SCHIP1: variants seen among roughly 807,000 people sequenced by gnomAD.
The protein encoded by SCHIP1 is schwannomin-interacting protein 1.
Under a neutral mutation model 29.7 loss-of-function variants are expected in SCHIP1, and 8 were observed. The observed-to-expected ratio is 0.27, with a 90% CI of 0.16 to 0.49. The LOEUF is 0.49. SCHIP1 is among the 20% of genes least tolerant of loss of function. The pLI is 0.99. For missense variants in SCHIP1, 193 were observed against 294.6 expected (o/e 0.66, Z 2.52); for synonymous variants, 76 against 94.9 (o/e 0.80, Z 1.16).
chr3:159,286,607 T>G, the SCHIP1 span, among the ~76,000 whole-genome samples: 1 of 152,194 alleles, frequency 6.6e-6, no homozygotes. Context: ...GATTGTTGGG[T>G]AGAATGATAA....
chr3:159,701,855 G>T, the SCHIP1 span, among the ~76,000 whole-genome samples: 1 of 152,088 alleles, frequency 6.6e-6, no homozygotes, highest in Admixed American at 6.5e-5. Flanking sequence ...ACATTGGGCA[G>T]ACTTCAAGCA....
chr3:159,745,151 C>G, the SCHIP1 span, among the ~76,000 whole-genome samples: 729 of 152,358 alleles, frequency 4.8e-3, 11 homozygotes, highest in Admixed American at 0.023. Flanking sequence ...ATTTACTTCA[C>G]TGTTTACATG....
At chr3:159,496,680 T>G in the SCHIP1 span, among the ~76,000 whole-genome samples, 7 of 152,180 alleles carry the variant, frequency 4.6e-5, no homozygotes, top group Non-Finnish European at 1.5e-5. Context: ...ATTCAACCAT[T>G]GTGGAAGTCA....
the SCHIP1 span, among the ~76,000 whole-genome samples, chr3:159,503,607 G>C: frequency 2.6e-5 from 4 of 152,178 alleles, no homozygotes; most frequent in Non-Finnish European, 4.4e-5. Context: ...CCTTTCATAT[G>C]CTATTCAGAG....
At chr3:159,451,756 G>A in the SCHIP1 span, among the ~76,000 whole-genome samples, 4 of 152,082 alleles carry the variant, frequency 2.6e-5, no homozygotes, top group African/African-American at 7.2e-5. Flanking sequence ...AATAATGCAC[G>A]TAGAGACTCA....
At chr3:159,291,308 G>T in the SCHIP1 span, among the ~76,000 whole-genome samples, 4 of 151,994 alleles carry the variant, frequency 2.6e-5, no homozygotes, top group Non-Finnish European at 5.9e-5. Flanking sequence ...GGACACCACT[G>T]TAACAAGAAG....
the SCHIP1 span, among the ~76,000 whole-genome samples, chr3:159,682,368 G>A: frequency 3.9e-5 from 6 of 152,100 alleles, no homozygotes; most frequent in Admixed American, 1.3e-4. Flanking sequence ...CGAGAAAAGG[G>A]CTCAGCTTCA....
intron 1 of SCHIP1, among the ~76,000 whole-genome samples, chr3:159,855,677 T>A (rs1262676750): frequency 6.6e-6 from 1 of 152,108 alleles, no homozygotes; most frequent in Admixed American, 6.5e-5. Context: ...TTTTTTTATC[T>A]CCTGTGGTAC....
chr3:159,283,279 A>G, the SCHIP1 span, among the ~76,000 whole-genome samples: 1 of 152,042 alleles, frequency 6.6e-6, no homozygotes, highest in African/African-American at 2.4e-5. Context: ...CAGCTTCCCG[A>G]GTAGCTGGGA....
chr3:159,604,514 C>T, the SCHIP1 span, among the ~76,000 whole-genome samples: 1 of 152,112 alleles, frequency 6.6e-6, no homozygotes, highest in Admixed American at 6.6e-5. Context: ...GGCACTGTGC[C>T]AGGGGCTGGA....
chr3:159,276,477 T>A, the SCHIP1 span, among the ~76,000 whole-genome samples: 1 of 152,184 alleles, frequency 6.6e-6, no homozygotes, highest in Non-Finnish European at 1.5e-5. Flanking sequence ...TATAGATTGA[T>A]GATTCATCAT....
At chr3:159,811,456 A>G in the SCHIP1 span, among the ~76,000 whole-genome samples, 25 of 152,254 alleles carry the variant, frequency 1.6e-4, no homozygotes, top group East Asian at 4.4e-3. Flanking sequence ...TTTTGAGTTC[A>G]TTTTTGTGTA....
the SCHIP1 span, among the ~76,000 whole-genome samples, chr3:159,555,343 T>C: frequency 1.3e-5 from 2 of 152,340 alleles, no homozygotes; most frequent in South Asian, 4.2e-4. Context: ...GTCTTTGTGG[T>C]CATTAGACTT....
At chr3:159,461,855 A>T in the SCHIP1 span, among the ~76,000 whole-genome samples, 17 of 152,174 alleles carry the variant, frequency 1.1e-4, no homozygotes, top group African/African-American at 3.6e-4. Context: ...GAAAAATTAA[A>T]TTGATAGTAG....
chr3:159,557,665 T>A, the SCHIP1 span, among the ~76,000 whole-genome samples: 1 of 152,168 alleles, frequency 6.6e-6, no homozygotes, highest in East Asian at 1.9e-4. Context: ...AGTTTTCTTT[T>A]AAAAAATAAT....
chr3:159,513,927 G>A, the SCHIP1 span, among the ~76,000 whole-genome samples: 2 of 152,224 alleles, frequency 1.3e-5, no homozygotes, highest in East Asian at 3.9e-4. Flanking sequence ...ATTAAAGATT[G>A]GTCTTTCTAG....
chr3:159,698,434 T>C, the SCHIP1 span, among the ~76,000 whole-genome samples: 1 of 152,200 alleles, frequency 6.6e-6, no homozygotes, highest in African/African-American at 2.4e-5. Context: ...TAGTCCATCA[T>C]TTGTGCAAGG....
chr3:159,699,896 G>A, the SCHIP1 span, among the ~76,000 whole-genome samples: 2 of 152,160 alleles, frequency 1.3e-5, no homozygotes, highest in Admixed American at 1.3e-4. Flanking sequence ...TCCAAGTTAG[G>A]CAAAGAAGGA....
the SCHIP1 span, among the ~76,000 whole-genome samples, chr3:159,667,732 G>A: frequency 0.11 from 16,502 of 152,208 alleles, 2,749 homozygotes; most frequent in African/African-American, 0.35. Context: ...AGGAAGTAGA[G>A]GACAGAGAGC....
Sources: allele counts gnomAD v4.1 joint callset (sites outside exome capture counted in the v4.1 genomes callset), GRCh38; gene constraint gnomAD v4.1.1; transcripts MANE v1.5; gene names NCBI Gene and HGNC (gene_info 2026-07-23, HGNC 2026-07-21).